METTL15: variants seen among roughly 807,000 people sequenced by gnomAD.
METTL15 encodes 12S rRNA N(4)-cytidine methyltransferase METTL15.
Under a neutral mutation model 38.3 loss-of-function variants are expected in METTL15, and 34 were observed. The ratio of observed to expected loss-of-function variants is 0.89; its 90% confidence interval spans 0.68 to 1.18. The LOEUF (loss-of-function observed/expected upper bound fraction) is 1.18. Among genes scored for constraint, METTL15 ranks in the 50% most tolerant of loss-of-function variants. The pLI is 0.00. For synonymous variants in METTL15, 162 were observed against 170.9 expected, an observed-to-expected ratio of 0.95 and a Z score of 0.41; for missense variants, 438 against 498.4, an observed-to-expected ratio of 0.88 and a Z score of 1.15.
At chr11:28,379,354 T>C (rs548281678) in intron 5 of METTL15, among the ~76,000 whole-genome samples, 7 of 152,278 alleles carry the variant, frequency 4.6e-5, no homozygotes, top group African/African-American at 1.7e-4. Flanking sequence ...TTGCTATAAA[T>C]GTCCCTCTTA....
At chr11:28,419,276 C>T (rs1324183676) in intron 5 of METTL15, among the ~76,000 whole-genome samples, 2 of 152,182 alleles carry the variant, frequency 1.3e-5, no homozygotes, top group African/African-American at 4.8e-5. Context: ...TCTCCCCCAG[C>T]TCCAGGCAGC....
intron 6 of METTL15, among the ~76,000 whole-genome samples, chr11:28,441,051 T>C (rs1042244876): frequency 9.5e-6 from 1 of 105,354 alleles, no homozygotes; most frequent in African/African-American, 3.4e-5. Flanking sequence ...CTTTTACTTA[T>C]GACACTACTT....
intron 6 of METTL15, among the ~76,000 whole-genome samples, chr11:28,503,417 C>T (rs887501979): frequency 6.6e-6 from 1 of 152,190 alleles, no homozygotes; most frequent in African/African-American, 2.4e-5. Flanking sequence ...AAGATAGACA[C>T]TATTCTCAAC....
At chr11:28,414,643 G>A (rs139553285) in intron 5 of METTL15, among the ~76,000 whole-genome samples, 1 of 152,250 alleles carries the variant, frequency 6.6e-6, no homozygotes. Context: ...TTTTTGTTTA[G>A]TCGTTTATTT....
At chr11:28,455,920 A>C (rs1851164406) in intron 6 of METTL15, among the ~76,000 whole-genome samples, 1 of 151,872 alleles carries the variant, frequency 6.6e-6, no homozygotes, top group Non-Finnish European at 1.5e-5. Context: ...GTTAGCCAGG[A>C]TGGTCTCAAT....
intron 6 of METTL15, among the ~76,000 whole-genome samples, chr11:28,504,423 A>G (rs978751027): frequency 2.0e-5 from 3 of 152,184 alleles, no homozygotes; most frequent in African/African-American, 4.8e-5. Flanking sequence ...CAATGGGCCC[A>G]TTATTGTCAG....
At chr11:28,356,861 G>A (rs1369694358) in intron 4 of METTL15, among the ~76,000 whole-genome samples, 3 of 152,254 alleles carry the variant, frequency 2.0e-5, no homozygotes, top group South Asian at 2.1e-4. Flanking sequence ...GACCCATATG[G>A]CATCCTGGCT....
chr11:28,352,942 G>T (rs1173044311), intron 4 of METTL15, among the ~76,000 whole-genome samples: 1 of 152,172 alleles, frequency 6.6e-6, no homozygotes, highest in African/African-American at 2.4e-5. Flanking sequence ...CAGGAGAAAA[G>T]GTTAAAGTGT....
chr11:28,113,888 T>C (rs1279532478), intron 3 of METTL15, among the ~76,000 whole-genome samples: 1 of 152,204 alleles, frequency 6.6e-6, no homozygotes, highest in Non-Finnish European at 1.5e-5. Flanking sequence ...TTTGCCTAAC[T>C]GTAGGGTAAC....
intron 4 of METTL15, among the ~76,000 whole-genome samples, chr11:28,245,602 AC>A (rs1343600040): frequency 6.6e-6 from 1 of 152,146 alleles, no homozygotes; most frequent in Non-Finnish European, 1.5e-5. Flanking sequence ...GCATATATAT[AC>A]CTTTGGTAAG....
chr11:28,502,394 T>C (rs1276599842), intron 6 of METTL15, among the ~76,000 whole-genome samples: 1 of 152,152 alleles, frequency 6.6e-6, no homozygotes, highest in East Asian at 1.9e-4. Flanking sequence ...CCATAAACAA[T>C]ATGTAAATGA....
At chr11:28,141,735 T>C (rs1849704992) in intron 3 of METTL15, among the ~76,000 whole-genome samples, 1 of 152,044 alleles carries the variant, frequency 6.6e-6, no homozygotes, top group South Asian at 2.1e-4. Flanking sequence ...AATAAAATCT[T>C]GTGACTCCTG....
intron 6 of METTL15, among the ~76,000 whole-genome samples, chr11:28,297,506 TA>T (rs1856783694): frequency 6.6e-6 from 1 of 152,126 alleles, no homozygotes; most frequent in East Asian, 1.9e-4. Context: ...AAATCAGCCT[TA>T]GGGGCTTATT....
chr11:28,206,380 C>T (rs1852344772), intron 3 of METTL15, among the ~76,000 whole-genome samples: 1 of 152,074 alleles, frequency 6.6e-6, no homozygotes, highest in Non-Finnish European at 1.5e-5. Context: ...TTCCCCATTT[C>T]TTGTTTTTGT....
chr11:28,430,498 A>T (rs1237981059), intron 6 of METTL15, among the ~76,000 whole-genome samples: 2 of 1,666 alleles, frequency 1.2e-3, no homozygotes, highest in East Asian at 0.036. Context: ...CGGGAGGGAG[A>T]TGGGGGGGTC....
chr11:28,330,384 C>T lies in METTL15; in HGVS notation c.779-12C>T. 1 of 1,525,356 alleles carries T rather than the reference C, an allele frequency of 6.6e-7. No homozygotes were observed. The highest frequency in any genetic ancestry group is 8.8e-7 in the Non-Finnish European group (1 of 1,136,120). 94.5% of individuals were successfully genotyped at this position (1,525,356 alleles called of 1,614,324 possible). ...CGGTCTTCTTTTCCTATCTTTACAA[C>T]ATTTGTTTTAGGAGCATTTCCTCCC... On this transcript the variant is annotated splice_polypyrimidine_tract_variant and intron_variant, in intron 6 of 6. Transcript: ENST00000407364.
At chr11:28,160,546 G>A (rs745907625) in intron 3 of METTL15, among the ~76,000 whole-genome samples, 9 of 151,834 alleles carry the variant, frequency 5.9e-5, no homozygotes, top group Non-Finnish European at 1.2e-4. Flanking sequence ...GTTAAATATC[G>A]ATCTGCTGAG....
At chr11:28,144,620 T>C (rs184887410) in intron 3 of METTL15, among the ~76,000 whole-genome samples, 10 of 152,178 alleles carry the variant, frequency 6.6e-5, no homozygotes, top group Admixed American at 2.0e-4. Flanking sequence ...GGTTTAGATA[T>C]ATATATGTGC....
chr11:28,499,391 A>G (rs1851563559), intron 6 of METTL15, among the ~76,000 whole-genome samples: 1 of 152,226 alleles, frequency 6.6e-6, no homozygotes, highest in Admixed American at 6.5e-5. Flanking sequence ...GTCCTTTGTA[A>G]CTATGCAAAT....
Sources: allele counts gnomAD v4.1 joint callset (sites outside exome capture counted in the v4.1 genomes callset), GRCh38; gene constraint gnomAD v4.1.1; transcripts MANE v1.5; gene names NCBI Gene and HGNC (gene_info 2026-07-23, HGNC 2026-07-21).